The following ABTB1 variants were observed in gnomAD, a reference collection of about 807,000 sequenced individuals.
ABTB1 encodes ankyrin repeat and BTB domain containing 1.
A neutral mutation model predicts 57.1 loss-of-function variants in ABTB1; 45 were observed. The observed-to-expected ratio is 0.79, with a 90% CI of 0.62 to 1.01. ABTB1 has a LOEUF of 1.01. Among genes scored for constraint, ABTB1 ranks in the 50% least tolerant of loss-of-function variants. The probability of loss-of-function intolerance (pLI) is 0.00; values close to 1 mark genes in which losing one functional copy is unlikely to be tolerated. For missense variants in ABTB1, 630 were observed against 666.3 expected (o/e 0.95, Z 0.60); for synonymous variants, 302 against 275.4 (o/e 1.10, Z -0.95).
chr3:127,676,263 C>A lies in ABTB1; in HGVS notation c.321-9C>A. On this transcript the variant is annotated splice_polypyrimidine_tract_variant and intron_variant, in intron 4 of 11. Transcript: ENST00000232744. This position sits in a 1 kb window ranked among gnomAD's most constrained non-coding sequence, Gnocchi z 5.4. Reference sequence around the variant, plus strand: ...CAAGTATCCTCCCTCCTGGCTTGTCCCTCCCCAGGCTTCTAGAGCAGGGCA... The same window carrying A: ...CAAGTATCCTCCCTCCTGGCTTGTCACTCCCCAGGCTTCTAGAGCAGGGCA... The A allele has an allele frequency of 6.2e-7, 1 of 1,611,660 alleles. No homozygotes were observed. The highest frequency in any genetic ancestry group is 1.1e-5 in the South Asian group (1 of 90,938).
In ABTB1 at chr3:127,680,510, C is replaced by G. The variant is rs760122333; in HGVS notation, c.*35C>G. On this transcript the variant is annotated 3_prime_UTR_variant, in exon 12 of 12. Transcript: ENST00000232744. ...TGGGCAGCCCCAGGGGCCAGGAGCT[C>G]TCTTGGAGACAAGCATGTGTATGCG... The G allele has an allele frequency of 1.9e-6, 3 of 1,593,698 alleles. No homozygotes were observed. The South Asian group carries it at 3.3e-5, about 18-fold the overall frequency.
chr3:127,673,288 T>C (rs966870816), intron 1 of ABTB1: 10 of 406,318 alleles, frequency 2.5e-5, no homozygotes, highest in African/African-American at 1.5e-4. Context: ...CTGATGGCCA[T>C]TGACCCCCGG....
At chr3:127,674,213 C>G in intron 1 of ABTB1, 178 bp from the exon 2 acceptor site, 1 of 710,144 alleles carries the variant, frequency 1.4e-6, no homozygotes, top group Non-Finnish European at 2.4e-6. Context: ...ACCTCCACAT[C>G]CTTGCCTGCA....
Position 127,680,315 on chromosome 3 carries a change from C to T in ABTB1, c.1277C>T (p.Ala426Val), listed in dbSNP as rs148820470. The change falls in exon 12 of 12, where the codon GCG becomes GTG. Residue 426 changes from alanine to valine, a missense_variant. By Grantham distance (64) the Ala-to-Val change is moderately conservative. Around this residue, in one of 3 missense-constraint regions of ABTB1, gnomAD observed 579 missense variants for 585.9 expected, o/e 0.99. Transcript: ENST00000232744. ...GTGGAGGCGGTGAAGGAGGAGGCAG[C>T]GGCTGTGGCAGCCCGGCAGGAGACG... ...DFVEAVKEEA[A>V]AVAARQETDS... The T allele has an allele frequency of 2.5e-5, 40 of 1,611,944 alleles. No individual in the cohort carries two copies. Among genetic ancestry groups the T allele is most frequent in the Middle Eastern group, 1.7e-4 (1 of 5,976 alleles).
chr3:127,679,914 A>T, intron 10 of ABTB1, 71 bp from the exon 11 acceptor site: 1 of 1,513,326 alleles, frequency 6.6e-7, no homozygotes, highest in South Asian at 1.2e-5. Context: ...CACAGGCCCT[A>T]GCCTTGGCTG....
chr3:127,676,276 C>CT lies in ABTB1; in HGVS notation c.326dup (p.Glu110ArgfsTer7), dbSNP rs767913163. On this transcript the variant is annotated frameshift_variant, in exon 5 of 12. Coordinates refer to ENST00000232744, the MANE Select transcript of ABTB1 (RefSeq NM_172027.3). LOFTEE classifies it high-confidence loss of function. The surrounding 1 kb of genome is among the most constrained non-coding windows in gnomAD (Gnocchi z 5.4). The stretch of plus-strand genomic sequence containing the variant: ...TCCTGGCTTGTCCCTCCCCAGGCTT[C>CT]TAGAGCAGGGCATCCACAGTGACGT... The CT allele has an allele frequency of 2.5e-6, 4 of 1,613,144 alleles. No individual in the cohort carries two copies. Among genetic ancestry groups the CT allele is most frequent in the Non-Finnish European group, 3.4e-6 (4 of 1,179,508 alleles).
At position 127,676,165 on chromosome 3, in the gene ABTB1, G is replaced by A; in HGVS notation, c.320+51G>A. ...AGCATGGGGTGCGGTGGCCCTGGTG[G>A]GTGTGGCGAGTCTGCTCTGACTGTG... On this transcript the variant is annotated intron_variant, in intron 4 of 11. Transcript: ENST00000232744. The surrounding 1 kb of genome is among the most constrained non-coding windows in gnomAD (Gnocchi z 5.4). 6.2e-7 allele frequency: 1 copy of A among 1,608,210 alleles called. No homozygotes were observed. Among genetic ancestry groups the A allele is most frequent in the Non-Finnish European group, 8.5e-7 (1 of 1,176,116 alleles).
Position 127,677,645 on chromosome 3 carries a change from C to T in ABTB1, c.862-31C>T. On this transcript the variant is annotated intron_variant, in intron 9 of 11. Transcript: ENST00000232744. ...AGCTCCTCAGGAGACAGACCCTGGC[C>T]CTCACACTTCCTGAGCCCGGCCTCC... The T allele has an allele frequency of 1.9e-6, 3 of 1,612,376 alleles. No individual in the cohort carries two copies. In the South Asian group the frequency reaches 3.3e-5, roughly 18 times the overall value.
At chr3:127,679,924 G>A (rs768519168) in intron 10 of ABTB1, 61 bp from the exon 11 acceptor site, 38 of 1,565,632 alleles carry the variant, frequency 2.4e-5, no homozygotes, top group Middle Eastern at 3.6e-4. Context: ...AGCCTTGGCT[G>A]TTGTGCCCTG....
chr3:127,673,848 T>A (rs1404437576), intron 1 of ABTB1, among the ~76,000 whole-genome samples: 1 of 152,216 alleles, frequency 6.6e-6, no homozygotes, highest in East Asian at 1.9e-4. Flanking sequence ...AGGTGCAGCC[T>A]GGAGGCCTCC....
Position 127,676,230 on chromosome 3 carries a change from G to A in ABTB1, c.321-42G>A. ...CTGAGTGCTCCGAGGAATGGGGTGGGGCTGTGCCAAGTATCCTCCCTCCTG... is the reference window on the plus strand; with the variant it reads ...CTGAGTGCTCCGAGGAATGGGGTGGAGCTGTGCCAAGTATCCTCCCTCCTG... On this transcript the variant is annotated intron_variant, in intron 4 of 11. Transcript: ENST00000232744. The surrounding 1 kb of genome is among the most constrained non-coding windows in gnomAD (Gnocchi z 5.4). 1 of 1,606,012 alleles carries A rather than the reference G, an allele frequency of 6.2e-7. No homozygotes were observed. The highest frequency in any genetic ancestry group is 1.1e-5 in the South Asian group (1 of 90,556).
chr3:127,673,839 G>C (rs1270967800), intron 1 of ABTB1, among the ~76,000 whole-genome samples: 1 of 152,224 alleles, frequency 6.6e-6, no homozygotes, highest in Non-Finnish European at 1.5e-5. Flanking sequence ...AGCACTTCCA[G>C]GTGCAGCCTG....
chr3:127,675,312 G>C (rs1418869939), intron 3 of ABTB1, among the ~76,000 whole-genome samples: 1 of 138,646 alleles, frequency 7.2e-6, no homozygotes, highest in Non-Finnish European at 1.5e-5. Flanking sequence ...CTGTCACCCA[G>C]GCTGGAGTGT....
Position 127,672,971 on chromosome 3 carries a change from G to T in ABTB1, c.-55G>T. On this transcript the variant is annotated 5_prime_UTR_variant, in exon 1 of 12. Transcript: ENST00000232744. ...GGGGCTGAGCGTGTTTACATCCGCC[G>T]GGTGCGCGGCTTCGCCGCCCGAGGT... is the stretch of plus-strand genomic sequence containing the variant. The T allele has an allele frequency of 6.6e-7, 1 of 1,512,768 alleles. No individual in the cohort carries two copies. The highest frequency in any genetic ancestry group is 8.9e-7 in the Non-Finnish European group (1 of 1,126,150). 93.7% of individuals were successfully genotyped at this position (1,512,768 alleles called of 1,614,324 possible). A position where few individuals can be genotyped will look rare whatever the true frequency, so the allele number is the denominator to read the frequency against.
At chr3:127,678,293 T>A (rs990965246) in intron 10 of ABTB1, 2 of 183,844 alleles carry the variant, frequency 1.1e-5, no homozygotes, top group Non-Finnish European at 2.3e-5. Context: ...CCAGGGTGTG[T>A]GAGAGAGAGA....
chr3:127,676,922 G>T lies in ABTB1; in HGVS notation c.527-45G>T. Reference sequence around the variant, plus strand: ...ATCACCCTTTTTCTGTGGGCCTGATGACAGCTGAGGTCCCGCAGGCCCTCA... The same window carrying T: ...ATCACCCTTTTTCTGTGGGCCTGATTACAGCTGAGGTCCCGCAGGCCCTCA... On this transcript the variant is annotated intron_variant, in intron 6 of 11. Transcript: ENST00000232744. The surrounding 1 kb of genome is among the most constrained non-coding windows in gnomAD (Gnocchi z 5.4). The T allele has an allele frequency of 6.3e-7, 1 of 1,586,460 alleles. No homozygotes were observed. The highest frequency in any genetic ancestry group is 1.1e-5 in the South Asian group (1 of 89,394).
Position 127,676,284 on chromosome 3 carries a change from G to A in ABTB1, c.333G>A (p.Gln111=), listed in dbSNP as rs1177322911. The change falls in exon 5 of 12, where the codon CAG becomes CAA. Residue 111 remains glutamine (Q), a synonymous_variant. Coordinates refer to ENST00000232744, the MANE Select transcript of ABTB1 (RefSeq NM_172027.3). The surrounding 1 kb of genome is among the most constrained non-coding windows in gnomAD (Gnocchi z 5.4). ...TGTCCCTCCCCAGGCTTCTAGAGCA[G>A]GGCATCCACAGTGACGTGGTCTTTG... ...YDDFLQRLLE[Q]GIHSDVVFVV... The A allele has an allele frequency of 1.9e-6, 3 of 1,613,526 alleles. No homozygotes were observed. The highest frequency in any genetic ancestry group is 2.5e-6 in the Non-Finnish European group (3 of 1,179,732).
chr3:127,676,351 G>A lies in ABTB1; in HGVS notation c.400G>A (p.Gly134Ser), dbSNP rs755721096. ...KPFRVHRCVL[G>S]ARSAYFANML... ...ATTCCGGGTGCATCGCTGCGTCCTG[G>A]GTGCACGTAGTGCCTACTTTGCCAA... The change falls in exon 5 of 12, where the codon GGT becomes AGT. Residue 134 changes from glycine to serine, a missense_variant. Transcript: ENST00000232744. The surrounding 1 kb of genome is among the most constrained non-coding windows in gnomAD (Gnocchi z 5.4). 3.1e-6 allele frequency: 5 copies of A among 1,614,042 alleles called. No individual in the cohort carries two copies. The highest frequency in any genetic ancestry group is 1.3e-5 in the African/African-American group (1 of 74,916).
chr3:127,680,895 C>A lies in ABTB1; in HGVS notation c.*420C>A. On this transcript the variant is annotated 3_prime_UTR_variant, in exon 12 of 12. Coordinates refer to ENST00000232744, the MANE Select transcript of ABTB1 (RefSeq NM_172027.3). ...GGAAGGGCTGGGGGAGTGTGTGTGGCAATAAAGCTTGAAGGCACCGTGGGA... is the reference window on the plus strand; with the variant it reads ...GGAAGGGCTGGGGGAGTGTGTGTGGAAATAAAGCTTGAAGGCACCGTGGGA... The A allele has an allele frequency of 1.9e-6, 1 of 533,274 alleles. No homozygotes were observed. The highest frequency in any genetic ancestry group is 3.3e-6 in the Non-Finnish European group (1 of 303,198). 33.0% of individuals were successfully genotyped at this position (533,274 alleles called of 1,614,324 possible).
Sources: allele counts gnomAD v4.1 joint callset (sites outside exome capture counted in the v4.1 genomes callset), GRCh38; gene constraint gnomAD v4.1.1; regional missense constraint gnomAD v4.1.1; non-coding constraint Gnocchi (gnomAD v3.1); transcripts MANE v1.5; gene names NCBI Gene and HGNC (gene_info 2026-07-23, HGNC 2026-07-21).